Variants in GRID1 observed in about 807,000 individuals in gnomAD.
The protein encoded by GRID1 is glutamate receptor ionotropic, delta-1.
In GRID1, 28 loss-of-function variants were observed where a neutral mutation model predicts 98.0. That is an observed-to-expected ratio of 0.29 (90% CI 0.21 to 0.39). GRID1 has a LOEUF of 0.39. Among genes scored for constraint, GRID1 ranks in the 10% least tolerant of loss-of-function variants. The pLI, the probability that GRID1 is intolerant of heterozygous loss-of-function variation, is 1.00. For missense variants in GRID1, 1,111 were observed against 1,340.5 expected (o/e 0.83, Z 2.67); for synonymous variants, 553 against 538.5 (o/e 1.03, Z -0.37).
intron 5 of GRID1, among the ~76,000 whole-genome samples, chr10:85,875,100 G>C (rs1381451360): frequency 6.6e-6 from 1 of 152,054 alleles, no homozygotes; most frequent in Non-Finnish European, 1.5e-5. Context: ...GGCTGGTCTT[G>C]AACTCGACCT....
chr10:85,783,889 G>C (rs1174877653), intron 8 of GRID1, among the ~76,000 whole-genome samples: 1 of 152,192 alleles, frequency 6.6e-6, no homozygotes, highest in Non-Finnish European at 1.5e-5. Context: ...CTTTGAGATA[G>C]CCTGGCCACT....
chr10:85,993,623 G>A, intron 4 of GRID1, among the ~76,000 whole-genome samples: 1 of 152,104 alleles, frequency 6.6e-6, no homozygotes, highest in Non-Finnish European at 1.5e-5. Flanking sequence ...AGGTACCCCA[G>A]CCAGGGCCCA....
intron 13 of GRID1, among the ~76,000 whole-genome samples, chr10:85,639,876 A>T (rs1294159313): frequency 1.3e-5 from 2 of 152,216 alleles, no homozygotes. Context: ...CATTTCAGAA[A>T]TAAATAAATA....
intron 2 of GRID1, among the ~76,000 whole-genome samples, chr10:86,334,347 G>A (rs1848194950): frequency 6.6e-6 from 1 of 152,064 alleles, no homozygotes; most frequent in African/African-American, 2.4e-5. Context: ...GATGGGGGTG[G>A]GGATCGCCTT....
chr10:86,332,273 C>T (rs1024807155), intron 2 of GRID1, among the ~76,000 whole-genome samples: 6 of 152,158 alleles, frequency 3.9e-5, no homozygotes, highest in African/African-American at 9.7e-5. Flanking sequence ...TGCCCCAGGA[C>T]GGTGAAGGGA....
At chr10:86,238,668 C>CAAA (rs931719950) in intron 2 of GRID1, among the ~76,000 whole-genome samples, 111 of 46,792 alleles carry the variant, frequency 2.4e-3, no homozygotes, top group African/African-American at 5.7e-3. Context: ...GATTCCATCT[C>CAAA]AAAAAAAAAA....
intron 2 of GRID1, among the ~76,000 whole-genome samples, chr10:86,230,619 A>G (rs1279713710): frequency 6.6e-6 from 1 of 152,158 alleles, no homozygotes; most frequent in Non-Finnish European, 1.5e-5. Flanking sequence ...CCCTGAACAC[A>G]TGTCACCTTT....
At chr10:85,835,469 A>G (rs537598775) in intron 8 of GRID1, among the ~76,000 whole-genome samples, 2 of 152,336 alleles carry the variant, frequency 1.3e-5, no homozygotes, top group African/African-American at 4.8e-5. Flanking sequence ...TGATGATTTT[A>G]TAAATGGGAC....
intron 3 of GRID1, among the ~76,000 whole-genome samples, chr10:86,144,853 C>T (rs1313173537): frequency 6.6e-6 from 1 of 152,194 alleles, no homozygotes; most frequent in Non-Finnish European, 1.5e-5. Context: ...AGGAAGCCCA[C>T]ATCCTGGACT....
At chr10:86,113,814 A>G (rs1314593890) in intron 4 of GRID1, among the ~76,000 whole-genome samples, 2 of 152,224 alleles carry the variant, frequency 1.3e-5, no homozygotes, top group Non-Finnish European at 2.9e-5. Context: ...GCTGACGGGA[A>G]AAGAAAGTAA....
intron 2 of GRID1, among the ~76,000 whole-genome samples, chr10:86,330,143 T>G (rs1209339363): frequency 6.6e-6 from 1 of 152,050 alleles, no homozygotes; most frequent in African/African-American, 2.4e-5. Context: ...GCATCTCTGT[T>G]TCCTCTGCAT....
chr10:86,318,100 G>T (rs2132092991), intron 2 of GRID1, among the ~76,000 whole-genome samples: 1 of 152,156 alleles, frequency 6.6e-6, no homozygotes, highest in East Asian at 1.9e-4. Flanking sequence ...CAGAAAAAAA[G>T]GCCCAGGTGC....
intron 8 of GRID1, among the ~76,000 whole-genome samples, chr10:85,796,890 A>G (rs1842530469): frequency 6.6e-6 from 1 of 152,228 alleles, no homozygotes; most frequent in African/African-American, 2.4e-5. Flanking sequence ...ATTTTCAGAC[A>G]TACAAGGAAG....
intron 4 of GRID1, among the ~76,000 whole-genome samples, chr10:85,979,706 G>A (rs1842520647): frequency 6.6e-6 from 1 of 152,218 alleles, no homozygotes; most frequent in African/African-American, 2.4e-5. Context: ...CTGGGGTTAG[G>A]ATTCCAGCTT....
intron 12 of GRID1, among the ~76,000 whole-genome samples, chr10:85,673,738 A>G (rs1439082672): frequency 6.6e-6 from 1 of 152,248 alleles, no homozygotes; most frequent in Non-Finnish European, 1.5e-5. Flanking sequence ...TATGCACTGG[A>G]AAACCAAAAA....
chr10:85,874,327 T>C (rs893909983), intron 5 of GRID1, among the ~76,000 whole-genome samples: 2 of 152,242 alleles, frequency 1.3e-5, no homozygotes, highest in African/African-American at 2.4e-5. Context: ...TATAATCATA[T>C]GTGGTAAGGG....
intron 4 of GRID1, among the ~76,000 whole-genome samples, chr10:86,031,333 T>C (rs191586992): frequency 4.7e-4 from 72 of 152,154 alleles, no homozygotes; most frequent in African/African-American, 1.6e-3. Flanking sequence ...TGGCATGTTC[T>C]CACTTGCAAG....
At chr10:85,841,583 C>T (rs935515905) in intron 8 of GRID1, among the ~76,000 whole-genome samples, 1 of 152,020 alleles carries the variant, frequency 6.6e-6, no homozygotes, top group African/African-American at 2.4e-5. Context: ...GCAAACTATG[C>T]ATCTCACAAA....
At chr10:85,641,263 T>C (rs200862676) in intron 13 of GRID1, among the ~76,000 whole-genome samples, 121 of 152,364 alleles carry the variant, frequency 7.9e-4, no homozygotes, top group East Asian at 5.2e-3. Context: ...GAAGTTATTA[T>C]CATATAAATT....
Sources: allele counts gnomAD v4.1 joint callset (sites outside exome capture counted in the v4.1 genomes callset), GRCh38; gene constraint gnomAD v4.1.1; transcripts MANE v1.5; gene names NCBI Gene and HGNC (gene_info 2026-07-23, HGNC 2026-07-21).